The following LDHB variants were observed in gnomAD, a reference collection of about 807,000 sequenced individuals.
LDHB encodes the protein L-lactate dehydrogenase B chain.
Under a neutral mutation model 33.4 loss-of-function variants are expected in LDHB, and 18 were observed. The ratio of observed to expected loss-of-function variants is 0.54; its 90% CI spans 0.37 to 0.80. LDHB has a LOEUF of 0.80. Ranked by LOEUF, LDHB falls within the 30% of genes least tolerant of loss-of-function variation. The pLI is 0.00. For synonymous variants in LDHB, 121 were observed against 140.6 expected, an observed-to-expected ratio of 0.86 and a Z score of 0.98; for missense variants, 345 against 407.9, an observed-to-expected ratio of 0.85 and a Z score of 1.33.
intron 1 of LDHB, among the ~76,000 whole-genome samples, chr12:21,654,995 C>A (rs1302742765): frequency 3.3e-5 from 5 of 152,064 alleles, no homozygotes; most frequent in African/African-American, 1.2e-4. Context: ...GTGGTGCAAG[C>A]CTGTAGTCCT....
chr12:21,656,799 C>T (rs1408776845), intron 1 of LDHB, among the ~76,000 whole-genome samples: 1 of 152,158 alleles, frequency 6.6e-6, no homozygotes, highest in Non-Finnish European at 1.5e-5. Context: ...GAACGACAAA[C>T]GGTAAAAATC....
intron 1 of LDHB, chr12:21,657,108 G>C (rs1297617073): frequency 6.6e-6 from 1 of 152,134 alleles, no homozygotes; most frequent in Non-Finnish European, 1.5e-5. Flanking sequence ...GGTCTGTGGG[G>C]ACAAGTCTAG....
Position 21,654,588 on chromosome 12 carries a change from A to G in LDHB, c.84T>C (p.Gly28=). The G allele has an allele frequency of 6.2e-7, 1 of 1,614,064 alleles. No homozygotes were observed. The highest frequency in any genetic ancestry group is 2.2e-5 in the East Asian group (1 of 44,878). The change falls in exon 2 of 8, where the codon GGT becomes GGC. Residue 28 remains glycine, a synonymous_variant. Transcript: ENST00000350669. ...TVPNNKITVV[G]VGQVGMACAI... is the part of the protein sequence containing the mutation. Reference sequence around the variant, plus strand: ...CACACGCCATACCAACTTGTCCAACACCCACTACAGTGATCTTATTGTTTG... The same window carrying G: ...CACACGCCATACCAACTTGTCCAACGCCCACTACAGTGATCTTATTGTTTG...
At chr12:21,641,821 AAAGT>A (rs1265284881) in intron 5 of LDHB, 127 bp downstream of exon 5, 35 of 725,680 alleles carry the variant, frequency 4.8e-5, no homozygotes, top group African/African-American at 3.7e-4. Flanking sequence ...ATAGAATAGA[AAAGT>A]AACTACTATT....
intron 7 of LDHB, 145 bp from the exon 8 acceptor site, chr12:21,635,854 G>C: frequency 1.4e-6 from 1 of 724,920 alleles, no homozygotes; most frequent in Non-Finnish European, 2.5e-6. Flanking sequence ...TCTCCAGCCT[G>C]GGTGACAGAG....
chr12:21,646,985 A>G lies in LDHB; in HGVS notation c.161T>C (p.Val54Ala). 1 of 1,613,786 alleles carries G rather than the reference A, an allele frequency of 6.2e-7. No individual in the cohort carries two copies. Among genetic ancestry groups the G allele is most frequent in the Non-Finnish European group, 8.5e-7 (1 of 1,179,760 alleles). ...SLADELALVD[V>A]LEDKLKGEMM... Reference sequence around the variant, plus strand: ...TTCTCCTTTAAGCTTATCTTCCAAAACATCCACAAGAGCAAGTTCATCAGC... The same window carrying G: ...TTCTCCTTTAAGCTTATCTTCCAAAGCATCCACAAGAGCAAGTTCATCAGC... Residue 54 changes from valine (V) to alanine (A), a missense_variant, in exon 3 of 8, where the codon GTT (valine) becomes GCT (alanine). By Grantham distance (64) the Val-to-Ala change is moderately conservative (BLOSUM62 0). Transcript: ENST00000350669.
chr12:21,654,417 C>A, intron 2 of LDHB, 126 bp downstream of exon 2: 1 of 863,746 alleles, frequency 1.2e-6, no homozygotes, highest in South Asian at 1.5e-5. Context: ...GGGATTACAT[C>A]TACAACTTCA....
intron 5 of LDHB, 135 bp downstream of exon 5, chr12:21,641,817 T>C (rs951006301): frequency 4.3e-6 from 3 of 704,884 alleles, no homozygotes; most frequent in African/African-American, 3.6e-5. Context: ...TGGAATAGAA[T>C]AGAAAAGTAA....
At chr12:21,654,387 T>G in intron 2 of LDHB, 156 bp downstream of exon 2, 1 of 681,838 alleles carries the variant, frequency 1.5e-6, no homozygotes, top group Non-Finnish European at 2.6e-6. Flanking sequence ...GATACATGCT[T>G]AAATATTTGA....
chr12:21,644,814 G>C (rs1938476677), intron 3 of LDHB, among the ~76,000 whole-genome samples: 1 of 152,152 alleles, frequency 6.6e-6, no homozygotes, highest in Non-Finnish European at 1.5e-5. Flanking sequence ...CATTTCATAA[G>C]GTTGTTGCAA....
chr12:21,639,406 T>C (rs1938306898), intron 5 of LDHB, among the ~76,000 whole-genome samples: 2 of 151,970 alleles, frequency 1.3e-5, no homozygotes, highest in South Asian at 4.1e-4. Flanking sequence ...AACTAAAAGT[T>C]CTTCAATAGC....
At chr12:21,648,405 A>G (rs1413280605) in intron 2 of LDHB, among the ~76,000 whole-genome samples, 2 of 152,034 alleles carry the variant, frequency 1.3e-5, no homozygotes, top group Non-Finnish European at 2.9e-5. Flanking sequence ...CATCCCCTGA[A>G]TACTGTATTT....
chr12:21,656,908 A>C (rs1938863552), intron 1 of LDHB: 1 of 152,160 alleles, frequency 6.6e-6, no homozygotes, highest in African/African-American at 2.4e-5. Context: ...TTCTTTGCAG[A>C]ATCTTTCTCA....
intron 2 of LDHB, among the ~76,000 whole-genome samples, chr12:21,653,855 G>C (rs1166190635): frequency 6.6e-6 from 1 of 152,136 alleles, no homozygotes; most frequent in African/African-American, 2.4e-5. Context: ...ACCTCACAAA[G>C]CCATGCATGG....
At chr12:21,637,494 T>C in intron 6 of LDHB, 1 of 268,310 alleles carries the variant, frequency 3.7e-6, no homozygotes, top group Non-Finnish European at 7.1e-6. Context: ...GTAACAAATC[T>C]GTAAACATAT....
In LDHB at chr12:21,654,568, G is replaced by A. The variant is rs1938784209; in HGVS notation, c.104C>T (p.Ala35Val). ...TVVGVGQVGM[A>V]CAISILGKSL... Reference sequence around the variant, plus strand: ...CTTTCCCAGAATGCTGATAGCACACGCCATACCAACTTGTCCAACACCCAC... The same window carrying A: ...CTTTCCCAGAATGCTGATAGCACACACCATACCAACTTGTCCAACACCCAC... Residue 35 changes from alanine (A) to valine (V), a missense_variant, in exon 2 of 8, where the codon GCG becomes GTG. Ala to Val is a moderately conservative substitution (Grantham distance 64, BLOSUM62 0). Coordinates refer to ENST00000350669, the MANE Select transcript of LDHB (RefSeq NM_002300.8). The A allele has an allele frequency of 1.2e-6, 2 of 1,613,892 alleles. No individual in the cohort carries two copies. The highest frequency in any genetic ancestry group is 2.7e-5 in the African/African-American group (2 of 74,898).
chr12:21,648,165 CAG>C (rs2136975183), intron 2 of LDHB, among the ~76,000 whole-genome samples: 1 of 152,194 alleles, frequency 6.6e-6, no homozygotes, highest in East Asian at 1.9e-4. Context: ...GAAACATCAC[CAG>C]AGTCCTTGCT....
In LDHB at chr12:21,637,212, A is replaced by G; in HGVS notation, c.714-18T>C. On this transcript the variant is annotated intron_variant, in intron 6 of 7. Transcript: ENST00000350669. ...CATAGGCACTTAAAAAAATTATAAA[A>G]GACATCACTGAAATAAGACTCAATC... The G allele has an allele frequency of 6.4e-7, 1 of 1,569,572 alleles. No homozygotes were observed. Among genetic ancestry groups the G allele is most frequent in the Non-Finnish European group, 8.7e-7 (1 of 1,143,210 alleles).
Position 21,657,779 on chromosome 12 carries a change from G to C in LDHB, c.-35C>G, listed in dbSNP as rs927555036. ...GAGAGAGAAGGCTCTGGAGACCTCT[G>C]TAACAGTCGTGCGGAGAAGACAAAG... On this transcript the variant is annotated 5_prime_UTR_variant, in exon 1 of 8. Coordinates refer to ENST00000350669, the MANE Select transcript of LDHB (RefSeq NM_002300.8). 1 of 152,344 alleles carries C rather than the reference G, an allele frequency of 6.6e-6. No individual in the cohort carries two copies. The highest frequency in any genetic ancestry group is 1.5e-5 in the Non-Finnish European group (1 of 68,114). 9.4% of individuals were successfully genotyped at this position (152,344 alleles called of 1,614,324 possible).
Sources: allele counts gnomAD v4.1 joint callset (sites outside exome capture counted in the v4.1 genomes callset), GRCh38; gene constraint gnomAD v4.1.1; transcripts MANE v1.5; gene names NCBI Gene and HGNC (gene_info 2026-07-23, HGNC 2026-07-21).